The following VPS9D1 variants were observed in gnomAD, a reference collection of about 807,000 sequenced individuals.
VPS9D1 encodes VPS9 domain-containing protein 1.
In VPS9D1, 78 loss-of-function variants were observed where a neutral mutation model predicts 75.8. The ratio of observed to expected loss-of-function variants is 1.03; its 90% CI spans 0.86 to 1.24. The LOEUF (loss-of-function observed/expected upper bound fraction) is 1.24. Among genes scored for constraint, VPS9D1 ranks in the 50% most tolerant of loss-of-function variants. The probability of loss-of-function intolerance (pLI) is 0.00; values close to 1 mark genes in which losing one functional copy is unlikely to be tolerated. For missense variants in VPS9D1, 1,057 were observed against 847.7 expected (o/e 1.25, Z -3.07); for synonymous variants, 481 against 385.6 (o/e 1.25, Z -2.90).
rs530686609 is a variant in VPS9D1 at position 89,707,745 on chromosome 16, G to T, written c.*116C>A. The T allele has an allele frequency of 1.1e-4, 93 of 869,930 alleles. No homozygotes were observed. The highest frequency in any genetic ancestry group is 1.6e-4 in the Non-Finnish European group (86 of 544,064). The allele number at this position is 869,930 out of a possible 1,614,324, so 53.9% of individuals were successfully genotyped here. A position where few individuals can be genotyped will look rare whatever the true frequency, so the allele number is the denominator to read the frequency against. On this transcript the variant is annotated 3_prime_UTR_variant, in exon 15 of 15. Transcript: ENST00000389386. ...CACAGTGGACAAGCCCCCACCATGT[G>T]CAGAGCAGCGTGAGGCTCCAGGATG... is the stretch of plus-strand genomic sequence containing the variant.
chr16:89,708,849 G>A lies in VPS9D1; in HGVS notation c.1697+8C>T. 6.3e-7 allele frequency: 1 copy of A among 1,575,800 alleles called. No homozygotes were observed. Among genetic ancestry groups the A allele is most frequent in the Non-Finnish European group, 8.6e-7 (1 of 1,168,604 alleles). ...TCCCTGGCCACACCTCGCCCTCCTG[G>A]GACTCACATGGCAGCTGCAGCGATG... On this transcript the variant is annotated splice_region_variant and intron_variant, in intron 13 of 14. Transcript: ENST00000389386.
intron 4 of VPS9D1, among the ~76,000 whole-genome samples, chr16:89,713,383 T>C (rs2060985385): frequency 6.6e-6 from 1 of 151,436 alleles, no homozygotes; most frequent in Admixed American, 6.6e-5. Flanking sequence ...GCCTCCTGAG[T>C]AGCTGGGACT....
chr16:89,711,261 T>A (rs2060911054), intron 9 of VPS9D1, 66 bp downstream of exon 9: 1 of 1,502,618 alleles, frequency 6.7e-7, no homozygotes, highest in Non-Finnish European at 9.1e-7. Context: ...CTCCGGCACC[T>A]GGCACCAGGC....
At chr16:89,711,674 C>A (rs955518999) in intron 8 of VPS9D1, 5 of 703,768 alleles carry the variant, frequency 7.1e-6, no homozygotes, top group Non-Finnish European at 1.1e-5. Context: ...TCCCACGCGA[C>A]CCCTGACCTC....
intron 8 of VPS9D1, chr16:89,711,613 C>T (rs1022834983): frequency 1.4e-5 from 9 of 657,678 alleles, no homozygotes; most frequent in African/African-American, 1.9e-5. Flanking sequence ...GGCCTGCACC[C>T]TCGCTGGGAC....
intron 8 of VPS9D1, 41 bp from the exon 9 acceptor site, chr16:89,711,453 G>C (rs754260651): frequency 6.5e-7 from 1 of 1,548,684 alleles, no homozygotes; most frequent in Non-Finnish European, 8.8e-7. Context: ...CGGTGGGTCC[G>C]CCACGACCGG....
At position 89,709,862 on chromosome 16, in the gene VPS9D1, T is replaced by C. The variant is rs1490129826; in HGVS notation, c.1303A>G (p.Thr435Ala). ...AGGCAGCGGTCCTTGGAGGCAGCTGTGTTTAGGCCTTCGAAGGCCAGAAGG... is the reference window on the plus strand; with the variant it reads ...AGGCAGCGGTCCTTGGAGGCAGCTGCGTTTAGGCCTTCGAAGGCCAGAAGG... Reference protein sequence around the residue: ...LTLLAFEGLNTAASKDRCLAC... With the variant: ...LTLLAFEGLNAAASKDRCLAC... Residue 435 changes from threonine to alanine, a missense_variant, in exon 11 of 15, where the codon ACA becomes GCA. Thr to Ala is a moderately conservative substitution (Grantham distance 58). Coordinates refer to ENST00000389386, the MANE Select transcript of VPS9D1 (RefSeq NM_004913.3). 1.9e-6 allele frequency: 3 copies of C among 1,613,380 alleles called. No homozygotes were observed. The highest frequency in any genetic ancestry group is 1.3e-5 in the African/African-American group (1 of 74,880).
chr16:89,717,011 C>T (rs2061087192), intron 2 of VPS9D1, 189 bp from the exon 3 acceptor site: 3 of 450,288 alleles, frequency 6.7e-6, no homozygotes, highest in Non-Finnish European at 1.1e-5. Context: ...CCCCCATCCC[C>T]TCACCCCGGG....
rs1392687896 is a variant in VPS9D1, at chr16:89,709,824, C to G, written c.1341G>C (p.Glu447Asp). ...GCCACAGCGGGGAGAAAAAGGGTTC[C>G]TCAATGCAGGCCAGGCAGCGGTCCT... Reference protein sequence around the residue: ...ASKDRCLACIEEPFFSPLWPL... With the variant: ...ASKDRCLACIDEPFFSPLWPL... Residue 447 changes from glutamate (E) to aspartate (D), a missense_variant, in exon 11 of 15, where the codon GAG becomes GAC. Coordinates refer to ENST00000389386, the MANE Select transcript of VPS9D1 (RefSeq NM_004913.3). 1.9e-6 allele frequency: 3 copies of G among 1,613,724 alleles called. No individual in the cohort carries two copies. Among genetic ancestry groups the G allele is most frequent in the Non-Finnish European group, 2.5e-6 (3 of 1,179,962 alleles).
At position 89,708,847 on chromosome 16, in the gene VPS9D1, T is replaced by C; in HGVS notation, c.1697+10A>G. 1 of 1,575,544 alleles carries C rather than the reference T, an allele frequency of 6.3e-7. No individual in the cohort carries two copies. The highest frequency in any genetic ancestry group is 1.2e-5 in the South Asian group (1 of 84,554). On this transcript the variant is annotated intron_variant, in intron 13 of 14. Coordinates refer to ENST00000389386, the MANE Select transcript of VPS9D1 (RefSeq NM_004913.3). ...CCTCCCTGGCCACACCTCGCCCTCC[T>C]GGGACTCACATGGCAGCTGCAGCGA...
chr16:89,712,823 G>A, intron 4 of VPS9D1, 107 bp from the exon 5 acceptor site: 1 of 978,070 alleles, frequency 1.0e-6, no homozygotes, highest in Non-Finnish European at 1.4e-6. Context: ...CAGGAGGTGA[G>A]GAGAAAGAGG....
chr16:89,717,400 C>T (rs1467664030), intron 2 of VPS9D1: 3 of 378,004 alleles, frequency 7.9e-6, no homozygotes. Context: ...GATCGCCTCA[C>T]CCATCTCCCA....
chr16:89,716,998 GC>G (rs995284341), intron 2 of VPS9D1, 176 bp from the exon 3 acceptor site: 2 of 370,814 alleles, frequency 5.4e-6, no homozygotes, highest in African/African-American at 5.9e-5. Context: ...CAAGCCCACT[GC>G]CCCCCCATCC....
At chr16:89,717,866 A>G (rs2061116193) in intron 2 of VPS9D1, 3 of 450,304 alleles carry the variant, frequency 6.7e-6, no homozygotes, top group South Asian at 1.6e-5. Flanking sequence ...GGCTGCCCCG[A>G]CCTCTGTGAT....
intron 1 of VPS9D1, chr16:89,720,305 G>T: frequency 1.4e-6 from 1 of 722,466 alleles, no homozygotes; most frequent in Non-Finnish European, 1.7e-6. Context: ...ACACCCCTCC[G>T]GCCTGCTTTT....
At position 89,710,590 on chromosome 16, in the gene VPS9D1, G is replaced by T; in HGVS notation, c.1254C>A (p.Ala418=). ...LKTAVEEIHN[A]VDRLLSLTLL... is the part of the protein sequence containing the mutation. ...CCAGGGAGGGCCTGGCCTCACCTAC[G>T]GCATTGTGGATCTCCTCCACCGCGG... is the stretch of plus-strand genomic sequence containing the variant. Residue 418 remains alanine (A), a synonymous_variant, in exon 10 of 15, where the codon GCC becomes GCA. Coordinates refer to ENST00000389386, the MANE Select transcript of VPS9D1 (RefSeq NM_004913.3). The T allele has an allele frequency of 6.3e-7, 1 of 1,595,218 alleles. No individual in the cohort carries two copies. Among genetic ancestry groups the T allele is most frequent in the Non-Finnish European group, 8.6e-7 (1 of 1,165,940 alleles).
In VPS9D1 at chr16:89,707,742, T is replaced by C; in HGVS notation, c.*119A>G. 2.4e-6 allele frequency: 2 copies of C among 829,310 alleles called. No homozygotes were observed. The highest frequency in any genetic ancestry group is 3.9e-6 in the Non-Finnish European group (2 of 511,308). The allele number at this position is 829,310 out of a possible 1,614,324, so 51.4% of individuals were successfully genotyped here. ...CACCACAGTGGACAAGCCCCCACCA[T>C]GTGCAGAGCAGCGTGAGGCTCCAGG... On this transcript the variant is annotated 3_prime_UTR_variant, in exon 15 of 15. Coordinates refer to ENST00000389386, the MANE Select transcript of VPS9D1 (RefSeq NM_004913.3).
Position 89,712,414 on chromosome 16 carries a change from C to T in VPS9D1, c.606+46G>A, listed in dbSNP as rs201855973. The stretch of plus-strand genomic sequence containing the variant: ...CTTCTCTGCCCTTGGCTCAAGGCCA[C>T]ACTGAGTTTCCCCTCGGGGACCACC... On this transcript the variant is annotated intron_variant, in intron 6 of 14. Transcript: ENST00000389386. 3.1e-6 allele frequency: 5 copies of T among 1,609,510 alleles called. No homozygotes were observed. The African/African-American group carries it at 4.0e-5, about 13-fold the overall frequency.
chr16:89,719,755 G>A (rs1278865588), intron 1 of VPS9D1, among the ~76,000 whole-genome samples: 3 of 152,170 alleles, frequency 2.0e-5, no homozygotes, highest in Non-Finnish European at 4.4e-5. Context: ...GTCTCACTCT[G>A]TCGCCCAGGC....
Sources: allele counts gnomAD v4.1 joint callset (sites outside exome capture counted in the v4.1 genomes callset), GRCh38; gene constraint gnomAD v4.1.1; transcripts MANE v1.5; gene names NCBI Gene and HGNC (gene_info 2026-07-23, HGNC 2026-07-21).